Variants in CYFIP1 observed in about 807,000 individuals in gnomAD.
The protein encoded by CYFIP1 is cytoplasmic FMR1 interacting protein 1, also known as cytoplasmic FMR1-interacting protein 1.
Under a neutral mutation model 163.5 loss-of-function variants are expected in CYFIP1, and 58 were observed. The ratio of observed to expected loss-of-function variants is 0.35; its 90% CI spans 0.29 to 0.44. The LOEUF (loss-of-function observed/expected upper bound fraction) is 0.44. Among genes scored for constraint, CYFIP1 ranks in the 20% least tolerant of loss-of-function variants. The pLI is 1.00. For synonymous variants in CYFIP1, 663 were observed against 660.7 expected, an observed-to-expected ratio of 1.00 and a Z score of -0.05; for missense variants, 1,338 against 1,653.8, an observed-to-expected ratio of 0.81 and a Z score of 3.31.
chr15:22,966,211 A>G (rs1327664569), intron 1 of CYFIP1, among the ~76,000 whole-genome samples: 1 of 151,858 alleles, frequency 6.6e-6, no homozygotes, highest in African/African-American at 2.4e-5. Flanking sequence ...AAAATTAGCC[A>G]GGCGTGGTGG....
At chr15:22,911,195 A>G (rs943265357) in intron 18 of CYFIP1, among the ~76,000 whole-genome samples, 2 of 152,104 alleles carry the variant, frequency 1.3e-5, no homozygotes, top group African/African-American at 4.8e-5. Flanking sequence ...AAATAAACTA[A>G]AGAAACTAGC....
intron 8 of CYFIP1, among the ~76,000 whole-genome samples, chr15:22,937,729 G>A (rs1336663168): frequency 1.3e-5 from 2 of 151,640 alleles, no homozygotes; most frequent in East Asian, 3.9e-4. Context: ...CTCCCAAGTA[G>A]CTGGGATTAC....
At position 22,875,256 on chromosome 15, in the gene CYFIP1, A is replaced by T. The variant is rs763408874; in HGVS notation, c.3058T>A (p.Cys1020Ser). 6.2e-7 allele frequency: 1 copy of T among 1,613,996 alleles called. No homozygotes were observed. Among genetic ancestry groups the T allele is most frequent in the African/African-American group, 1.3e-5 (1 of 74,920 alleles). ...AAAGGAGCCGCGTGCAGCAGGTCAC[A>T]CACTTCTTCTAAAGACTAGAGCAGA... The part of the protein sequence containing the change: ...IEQSLSLEEV[C>S]DLLHAAPFQN... Residue 1020 changes from cysteine (C) to serine (S), a missense_variant, in exon 27 of 31, where the codon TGT becomes AGT. Physicochemically the swap from Cys to Ser is moderately radical, Grantham distance 112. Transcript: ENST00000617928.
chr15:22,923,047 ACC>A (rs2061241977), intron 13 of CYFIP1, among the ~76,000 whole-genome samples: 1 of 152,124 alleles, frequency 6.6e-6, no homozygotes, highest in East Asian at 1.9e-4. Context: ...AATCATCATG[ACC>A]TGGGTTACAC....
At chr15:22,872,293 C>CAAAAAAAA (rs11327088) in intron 30 of CYFIP1, among the ~76,000 whole-genome samples, 2 of 111,412 alleles carry the variant, frequency 1.8e-5, no homozygotes, top group African/African-American at 6.9e-5. Flanking sequence ...GAAACTGTCT[C>CAAAAAAAA]AAAAAAAAAA....
chr15:22,947,381 C>T (rs1301393966), intron 1 of CYFIP1, 90 bp from the exon 2 acceptor site: 1 of 1,537,398 alleles, frequency 6.5e-7, no homozygotes, highest in Non-Finnish European at 8.8e-7. Flanking sequence ...CCTCTAACCC[C>T]TTCCCGCTCT....
chr15:22,917,845 G>C lies in CYFIP1; in HGVS notation c.1617C>G (p.Pro539=). The C allele has an allele frequency of 6.2e-7, 1 of 1,613,886 alleles. No individual in the cohort carries two copies. The highest frequency in any genetic ancestry group is 1.7e-4 in the Middle Eastern group (1 of 6,060). The change falls in exon 15 of 31, where the codon CCC becomes CCG. Residue 539 remains proline (P), a synonymous_variant. Transcript: ENST00000617928. This position sits in a 1 kb window ranked among gnomAD's most constrained non-coding sequence, Gnocchi z 4.2. ...GTACTTTTATGTCGAAGCCGCTCTT[G>C]GGGTCCTTCTCGCCCCGCAAGGCTG... is the stretch of plus-strand genomic sequence containing the variant. The part of the protein sequence containing the change: ...NDPALRGEKD[P]KSGFDIKVPR...
intron 15 of CYFIP1, 56 bp from the exon 16 acceptor site, chr15:22,916,686 A>AT (rs1566968322): frequency 1.2e-6 from 2 of 1,613,978 alleles, no homozygotes; most frequent in Admixed American, 1.7e-5. Flanking sequence ...TACATTAGTT[A>AT]TGCCAAACTC....
intron 26 of CYFIP1, 136 bp downstream of exon 26, chr15:22,879,777 C>T: frequency 1.6e-6 from 1 of 634,928 alleles, no homozygotes; most frequent in South Asian, 2.0e-5. Context: ...TCTCAACAGC[C>T]ACAAAAAAAA....
chr15:22,959,354 AC>A, intron 1 of CYFIP1, among the ~76,000 whole-genome samples: 1 of 152,330 alleles, frequency 6.6e-6, no homozygotes, highest in Non-Finnish European at 1.5e-5. Context: ...GGGCAGACCC[AC>A]CATGGCGGTC....
At chr15:22,898,590 A>G (rs999662950) in intron 22 of CYFIP1, among the ~76,000 whole-genome samples, 5 of 152,080 alleles carry the variant, frequency 3.3e-5, no homozygotes, top group Admixed American at 6.6e-5. Flanking sequence ...GCGGGCGTGC[A>G]GCGGCATGAT....
At chr15:22,969,986 A>G (rs1385635168) in intron 1 of CYFIP1, among the ~76,000 whole-genome samples, 2 of 152,214 alleles carry the variant, frequency 1.3e-5, no homozygotes, top group Non-Finnish European at 2.9e-5. Context: ...TTTTATATGT[A>G]GTAAATCCCA....
rs2059276053 is a variant in CYFIP1, at chr15:22,868,209, T to C, written c.*1819A>G. The C allele has an allele frequency of 6.6e-6, 1 of 152,078 alleles. No homozygotes were observed. Among genetic ancestry groups the C allele is most frequent in the South Asian group, 2.1e-4 (1 of 4,744 alleles). The allele number at this position is 152,078 out of a possible 1,614,324, so 9.4% of individuals were successfully genotyped here. A position where few individuals can be genotyped will look rare whatever the true frequency, so the allele number is the denominator to read the frequency against. On this transcript the variant is annotated 3_prime_UTR_variant, in exon 31 of 31. Coordinates refer to ENST00000617928, the MANE Select transcript of CYFIP1 (RefSeq NM_014608.6). The stretch of plus-strand genomic sequence containing the variant: ...GCCTTCTAAGGAGCTGTTTTAGATG[T>C]TTTTTCTAACTGCCTCCTCCCATGC...
chr15:22,922,895 A>G lies in CYFIP1; in HGVS notation c.1359+3087T>C, dbSNP rs563553453. ...TAATCCCAGCTACTTGGGAGGCTGA[A>G]GCAGGAGAATTGCTTGAACCTGGGA... On this transcript the variant is annotated intron_variant, in intron 13 of 30. Coordinates refer to ENST00000617928, the MANE Select transcript of CYFIP1 (RefSeq NM_014608.6). Among the ~76,000 whole-genome samples, 11 of 152,016 alleles carry G rather than the reference A, an allele frequency of 7.2e-5. No individual in the cohort carries two copies. The South Asian group carries it at 1.2e-3, about 17-fold the overall frequency.
At chr15:22,934,698 C>G (rs1050625700) in intron 9 of CYFIP1, among the ~76,000 whole-genome samples, 14 of 151,102 alleles carry the variant, frequency 9.3e-5, no homozygotes, top group Admixed American at 6.6e-5. Context: ...CGGGTTTTCA[C>G]CGTGTTAGCC....
rs774804544 is a variant in CYFIP1, at chr15:22,870,072, G to A, written c.3718C>T (p.Arg1240Cys). The A allele has an allele frequency of 9.9e-6, 16 of 1,611,712 alleles. No individual in the cohort carries two copies. The highest frequency in any genetic ancestry group is 5.5e-5 in the South Asian group (5 of 90,492). ...DGEGTPVEHV[R>C]CFQPPIHQSL... Reference sequence around the variant, plus strand: ...TGGTGGATGGGCGGCTGGAAGCAGCGCACATGCTCCACTGGCGTGCCCTCC... The same window carrying A: ...TGGTGGATGGGCGGCTGGAAGCAGCACACATGCTCCACTGGCGTGCCCTCC... Residue 1240 changes from arginine (R) to cysteine (C), a missense_variant, in exon 31 of 31, where the codon CGC (arginine) becomes TGC (cysteine). Around this residue, in one of 4 missense-constraint regions of CYFIP1, gnomAD observed 306 missense variants for 322.1 expected, o/e 0.95. Coordinates refer to ENST00000617928, the MANE Select transcript of CYFIP1 (RefSeq NM_014608.6).
intron 23 of CYFIP1, among the ~76,000 whole-genome samples, chr15:22,890,732 TGCC>T (rs2060055812): frequency 3.1e-5 from 3 of 98,006 alleles, no homozygotes; most frequent in African/African-American, 1.2e-4. Context: ...AGGCCGCACC[TGCC>T]AACAGCCTCG....
rs1416618062 is a variant in CYFIP1, at chr15:22,928,065, G to A, written c.1111-37C>T. 4.8e-6 allele frequency: 7 copies of A among 1,461,086 alleles called. No individual in the cohort carries two copies. The East Asian group carries it at 8.0e-5, about 17-fold the overall frequency. The allele number at this position is 1,461,086 out of a possible 1,614,324, so 90.5% of individuals were successfully genotyped here. On this transcript the variant is annotated intron_variant, in intron 11 of 30. Coordinates refer to ENST00000617928, the MANE Select transcript of CYFIP1 (RefSeq NM_014608.6). ...GGGCACGGCCCCGTGAGAAACCAGC[G>A]CCCCCACCCAGCTCCCCCCATCCCG...
At chr15:22,931,608 C>T (rs904173729) in intron 11 of CYFIP1, among the ~76,000 whole-genome samples, 1 of 138,120 alleles carries the variant, frequency 7.2e-6, no homozygotes, top group East Asian at 2.3e-4. Context: ...AATCACAGTA[C>T]TAGACTAGGA....
Sources: allele counts gnomAD v4.1 joint callset (sites outside exome capture counted in the v4.1 genomes callset), GRCh38; gene constraint gnomAD v4.1.1; regional missense constraint gnomAD v4.1.1; non-coding constraint Gnocchi (gnomAD v3.1); transcripts MANE v1.5; gene names NCBI Gene and HGNC (gene_info 2026-07-23, HGNC 2026-07-21).